The following RPS6KA3 variants were observed in gnomAD, a reference collection of about 807,000 sequenced individuals.
The protein encoded by RPS6KA3 is ribosomal protein S6 kinase A3.
RPS6KA3 carries 4 observed loss-of-function variants against 67.2 expected under a neutral mutation model. The ratio of observed to expected loss-of-function variants is 0.06; its 90% confidence interval spans 0.03 to 0.14. The LOEUF (loss-of-function observed/expected upper bound fraction) is 0.14, where lower values mean the gene tolerates loss of function less well. Among genes scored for constraint, RPS6KA3 ranks in the 10% least tolerant of loss-of-function variants. RPS6KA3 has a pLI of 1.00. For synonymous variants in RPS6KA3, 182 were observed against 183.7 expected (o/e 0.99, Z 0.07); for missense variants, 204 against 559.0 (o/e 0.36, Z 6.40).
intron 7 of RPS6KA3, among the ~76,000 whole-genome samples, chrX:20,192,711 C>T (rs1437405020): frequency 9.6e-6 from 1 of 104,501 alleles, no homozygotes; most frequent in African/African-American, 3.6e-5. Flanking sequence ...AGCAATCCTC[C>T]TGCCTCAGCC....
rs769526215 is a variant in RPS6KA3, at chrX:20,171,145, TATAAC to T, written c.1353+1596_1353+1600del. On this transcript the variant is annotated intron_variant, in intron 15 of 21. Transcript: ENST00000379565. ...TTGTAAGAATACAGTATATAATACA[TATAAC>T]ATACAAAATAATCGACTATATATGC... Among the ~76,000 whole-genome samples, 160 of 112,395 alleles carry T rather than the reference TATAAC, an allele frequency of 1.4e-3. 2 individuals are homozygous for T. Among genetic ancestry groups the T allele is most frequent in the African/African-American group, 4.7e-3 (147 of 30,951 alleles).
chrX:20,194,115 T>C (rs2068210233), intron 6 of RPS6KA3, 74 bp downstream of exon 6: 3 of 656,121 alleles, frequency 4.6e-6, no homozygotes, highest in Non-Finnish European at 7.5e-6. Flanking sequence ...GTAAGCATAA[T>C]ACTGAAACAT....
At chrX:20,216,767 A>G (rs1026948100) in intron 2 of RPS6KA3, among the ~76,000 whole-genome samples, 1 of 110,828 alleles carries the variant, frequency 9.0e-6, no homozygotes, top group Non-Finnish European at 1.9e-5. Context: ...TAAATCAGAG[A>G]GTATGAAAGA....
rs1243681896 is a variant in RPS6KA3 at position 20,163,052 on chromosome X, G to A, written c.1765-12C>T. 2 of 1,083,733 alleles carry A rather than the reference G, an allele frequency of 1.8e-6. No individual in the cohort carries two copies. Among genetic ancestry groups the A allele is most frequent in the South Asian group, 1.9e-5 (1 of 53,986 alleles). 89.3% of individuals were successfully genotyped at this position (1,083,733 alleles called of 1,213,427 possible). ...TGTCTTTTTAAAACCTAGAAAAAGTGCAAAATTAGTATTACTATACCACCA... is the reference window on the plus strand; with the variant it reads ...TGTCTTTTTAAAACCTAGAAAAAGTACAAAATTAGTATTACTATACCACCA... On this transcript the variant is annotated splice_polypyrimidine_tract_variant and intron_variant, in intron 18 of 21. Coordinates refer to ENST00000379565, the MANE Select transcript of RPS6KA3 (RefSeq NM_004586.3).
At chrX:20,206,423 ATAATT>A (rs773764404) in intron 3 of RPS6KA3, among the ~76,000 whole-genome samples, 4 of 112,219 alleles carry the variant, frequency 3.6e-5, no homozygotes, top group Non-Finnish European at 7.5e-5. Context: ...GAGTGGTGTG[ATAATT>A]TAATTTAATA....
chrX:20,182,976 G>A (rs943186725), intron 10 of RPS6KA3, among the ~76,000 whole-genome samples: 15 of 111,331 alleles, frequency 1.3e-4, no homozygotes, highest in Non-Finnish European at 2.4e-4. Flanking sequence ...ATTCTGGTGA[G>A]TATGCAGTGA....
chrX:20,225,698 A>T (rs1364516608), intron 2 of RPS6KA3, among the ~76,000 whole-genome samples: 3 of 111,878 alleles, frequency 2.7e-5, no homozygotes, highest in African/African-American at 9.7e-5. Flanking sequence ...TGTTTGAACC[A>T]TGATGGCTGT....
At chrX:20,159,430 C>T (rs1407982857) in intron 20 of RPS6KA3, among the ~76,000 whole-genome samples, 3 of 112,294 alleles carry the variant, frequency 2.7e-5, no homozygotes, top group African/African-American at 9.7e-5. Context: ...GGGGATACAC[C>T]CAGATTGATA....
intron 2 of RPS6KA3, among the ~76,000 whole-genome samples, chrX:20,230,450 G>T (rs1438664304): frequency 2.7e-5 from 3 of 112,071 alleles, no homozygotes; most frequent in Non-Finnish European, 5.6e-5. Context: ...TCTGAAAGAT[G>T]ACCAGGAATT....
Position 20,192,123 on chromosome X carries a change from G to A in RPS6KA3, c.593+1364C>T, listed in dbSNP as rs979963067. Among the ~76,000 whole-genome samples, 4 of 111,002 alleles carry A rather than the reference G, an allele frequency of 3.6e-5. No individual in the cohort carries two copies. In the East Asian group the frequency reaches 8.4e-4, roughly 23 times the overall value. ...ATAAAGCTGTTTAAAAATATTCCTG[G>A]TAGAGCAAGGCTCGTGCTTATATGC... On this transcript the variant is annotated intron_variant, in intron 7 of 21. Coordinates refer to ENST00000379565, the MANE Select transcript of RPS6KA3 (RefSeq NM_004586.3).
At position 20,153,642 on chromosome X, in the gene RPS6KA3, CAG is replaced by C. The variant is rs1414770233; in HGVS notation, c.*1754_*1755del. ...TTTTTTTTTTTTTTCCTTCTTGAGA[CAG>C]AGTCTCACTCTGTCACCCAGGCTGG... On this transcript the variant is annotated 3_prime_UTR_variant, in exon 22 of 22. Transcript: ENST00000379565. The C allele has an allele frequency of 1.9e-5, 2 of 105,448 alleles. No individual in the cohort carries two copies. The highest frequency in any genetic ancestry group is 3.9e-5 in the Non-Finnish European group (2 of 51,468). 8.7% of individuals were successfully genotyped at this position (105,448 alleles called of 1,213,427 possible). A position where few individuals can be genotyped will look rare whatever the true frequency, so the allele number is the denominator to read the frequency against.
rs1435001982 is a variant in RPS6KA3, at chrX:20,177,174, T to C, written c.846-90A>G. On this transcript the variant is annotated intron_variant, in intron 10 of 21. Coordinates refer to ENST00000379565, the MANE Select transcript of RPS6KA3 (RefSeq NM_004586.3). ...TCTTAAATTAAACTTTTTGAGATAC[T>C]TGTAGATTCACACTCAGTTGTAAGA... is the stretch of plus-strand genomic sequence containing the variant. 4.8e-6 allele frequency: 3 copies of C among 623,948 alleles called. No homozygotes were observed. In the East Asian group the frequency reaches 1.1e-4, roughly 22 times the overall value. 51.4% of individuals were successfully genotyped at this position (623,948 alleles called of 1,213,427 possible).
chrX:20,155,268 G>C lies in RPS6KA3; in HGVS notation c.*130C>G. 1.4e-6 allele frequency: 1 copy of C among 729,334 alleles called. No homozygotes were observed. The highest frequency in any genetic ancestry group is 2.2e-6 in the Non-Finnish European group (1 of 460,361). 60.1% of individuals were successfully genotyped at this position (729,334 alleles called of 1,213,427 possible). A position where few individuals can be genotyped will look rare whatever the true frequency, so the allele number is the denominator to read the frequency against. On this transcript the variant is annotated 3_prime_UTR_variant, in exon 22 of 22. Transcript: ENST00000379565. ...GAGAGGAAAGCAGGAGCAGCAGCAG[G>C]AACAGCAGCATTATGGGTACCAGCT...
chrX:20,259,846 C>A (rs115824591), intron 1 of RPS6KA3, among the ~76,000 whole-genome samples: 2,476 of 111,329 alleles, frequency 0.022, 78 homozygotes, highest in African/African-American at 0.077. Context: ...TGCCACACTA[C>A]CTTATTTTTT....
At chrX:20,220,254 A>C (rs1169610793) in intron 2 of RPS6KA3, among the ~76,000 whole-genome samples, 1 of 111,978 alleles carries the variant, frequency 8.9e-6, no homozygotes, top group Non-Finnish European at 1.9e-5. Context: ...TTATACAATC[A>C]AATACATTAG....
chrX:20,249,515 G>C (rs2069802717), intron 1 of RPS6KA3, among the ~76,000 whole-genome samples: 1 of 111,775 alleles, frequency 8.9e-6, no homozygotes, highest in Non-Finnish European at 1.9e-5. Flanking sequence ...GGTATGTAGT[G>C]ATACCTCATC....
intron 1 of RPS6KA3, chrX:20,241,698 C>T (rs1159758094): frequency 9.1e-6 from 1 of 110,032 alleles, no homozygotes; most frequent in African/African-American, 3.3e-5. Flanking sequence ...TACAAGCATA[C>T]AAGCAGAAAA....
chrX:20,185,202 C>T (rs1330667512), intron 10 of RPS6KA3, among the ~76,000 whole-genome samples: 1 of 111,829 alleles, frequency 8.9e-6, no homozygotes, highest in Non-Finnish European at 1.9e-5. Context: ...CTGCCTCGGC[C>T]TGCCAAAGTG....
intron 1 of RPS6KA3, among the ~76,000 whole-genome samples, chrX:20,248,468 T>A (rs923078146): frequency 4.5e-5 from 5 of 111,068 alleles, no homozygotes; most frequent in Non-Finnish European, 9.5e-5. Context: ...AATAGACACT[T>A]TAATGCTTTT....
Sources: gnomAD v4.1 joint callset for allele counts (sites outside exome capture counted in the v4.1 genomes callset) on GRCh38, gnomAD v4.1.1 for gene constraint, MANE v1.5 for transcripts, NCBI Gene and HGNC (gene_info 2026-07-23, HGNC 2026-07-21) for gene names.